The following TMEM135 variants were observed in gnomAD, a reference collection of about 807,000 sequenced individuals.
TMEM135 encodes the protein transmembrane protein 135.
A neutral mutation model predicts 60.3 loss-of-function variants in TMEM135; 30 were observed. The observed-to-expected ratio is 0.50, with a 90% CI of 0.37 to 0.68. The LOEUF (loss-of-function observed/expected upper bound fraction) is 0.68, where lower values mean the gene tolerates loss of function less well. Among genes scored for constraint, TMEM135 ranks in the 30% least tolerant of loss-of-function variants. The probability of loss-of-function intolerance (pLI) is 0.00; values close to 1 mark genes in which losing one functional copy is unlikely to be tolerated. For synonymous variants in TMEM135, 190 were observed against 186.7 expected, an observed-to-expected ratio of 1.02 and a Z score of -0.14; for missense variants, 468 against 548.8, an observed-to-expected ratio of 0.85 and a Z score of 1.47.
intron 5 of TMEM135, among the ~76,000 whole-genome samples, chr11:87,168,582 C>G (rs1314102079): frequency 2.0e-5 from 3 of 152,138 alleles, no homozygotes; most frequent in East Asian, 1.9e-4. Flanking sequence ...CATACAGGAG[C>G]AGGTTGTTCA....
Position 87,082,701 on chromosome 11 carries a change from G to A in TMEM135, c.363-8661G>A, listed in dbSNP as rs552504494. Among the ~76,000 whole-genome samples, 35 of 152,278 alleles carry A rather than the reference G, an allele frequency of 2.3e-4. 1 individual carries two copies. The highest frequency in any genetic ancestry group is 3.9e-4 in the Admixed American group (6 of 15,304). Reference sequence around the variant, plus strand: ...GTCTAAGATTGAACGTTTAGAAGCAGCAACATTTAAGGAGCCAGTTGTCAA... The same window carrying A: ...GTCTAAGATTGAACGTTTAGAAGCAACAACATTTAAGGAGCCAGTTGTCAA... On this transcript the variant is annotated intron_variant, in intron 3 of 14. Transcript: ENST00000305494.
Position 87,239,866 on chromosome 11 carries a change from A to G in TMEM135, c.509+3182A>G, listed in dbSNP as rs372319881. 2.0e-4 allele frequency among the ~76,000 whole-genome samples: 31 copies of G among 152,228 alleles called. No homozygotes were observed. The South Asian group carries it at 6.4e-3, about 32-fold the overall frequency. On this transcript the variant is annotated intron_variant, in intron 6 of 14. Coordinates refer to ENST00000305494, the MANE Select transcript of TMEM135 (RefSeq NM_022918.4). ...TACTTAAAAGCAACACGTTTTTGAT[A>G]TTGAAAACTATGTGAAAACTATAAT... is the stretch of plus-strand genomic sequence containing the variant.
chr11:87,046,009 G>T (rs1003551489), intron 1 of TMEM135, among the ~76,000 whole-genome samples: 5 of 152,180 alleles, frequency 3.3e-5, no homozygotes, highest in African/African-American at 9.7e-5. Flanking sequence ...TTTAGGAGGG[G>T]AGATTAGGCA....
chr11:87,117,312 C>G (rs146304188), intron 4 of TMEM135, among the ~76,000 whole-genome samples: 1 of 152,128 alleles, frequency 6.6e-6, no homozygotes, highest in African/African-American at 2.4e-5. Flanking sequence ...TATAAGACAA[C>G]AATGAAATTT....
chr11:87,165,697 A>C (rs1939018751), intron 5 of TMEM135, among the ~76,000 whole-genome samples: 2 of 151,538 alleles, frequency 1.3e-5, no homozygotes, highest in Non-Finnish European at 2.9e-5. Flanking sequence ...AAGCAAGAGC[A>C]AATACATTCA....
At chr11:87,146,152 C>G (rs868299635) in intron 4 of TMEM135, among the ~76,000 whole-genome samples, 166 of 152,268 alleles carry the variant, frequency 1.1e-3, no homozygotes, top group African/African-American at 3.7e-3. Context: ...ATGTGAAAAT[C>G]CAGTTTTGAC....
chr11:87,293,629 T>C (rs1040868798), intron 6 of TMEM135, among the ~76,000 whole-genome samples: 3 of 152,170 alleles, frequency 2.0e-5, no homozygotes, highest in African/African-American at 7.2e-5. Context: ...TCTGTTCCTG[T>C]GTTAGTTTGC....
intron 5 of TMEM135, among the ~76,000 whole-genome samples, chr11:87,211,805 G>C (rs113493901): frequency 6.6e-6 from 1 of 151,972 alleles, no homozygotes; most frequent in Non-Finnish European, 1.5e-5. Context: ...TTAGCTGGGC[G>C]TGGTGGCAGG....
chr11:87,094,406 A>T (rs1437393487), intron 4 of TMEM135, among the ~76,000 whole-genome samples: 2 of 152,186 alleles, frequency 1.3e-5, no homozygotes, highest in Non-Finnish European at 2.9e-5. Flanking sequence ...ATAATTTTTC[A>T]GTAATTTAGA....
chr11:87,223,046 T>C (rs1319340131), intron 5 of TMEM135, among the ~76,000 whole-genome samples: 2 of 152,204 alleles, frequency 1.3e-5, no homozygotes, highest in Non-Finnish European at 2.9e-5. Flanking sequence ...TGGTCAGTTG[T>C]TTCCTTGCTA....
intron 1 of TMEM135, among the ~76,000 whole-genome samples, chr11:87,043,023 T>C (rs1023602683): frequency 6.7e-6 from 1 of 149,662 alleles, no homozygotes; most frequent in Non-Finnish European, 1.5e-5. Flanking sequence ...TGGTGTGATC[T>C]CGGCTCACTA....
At chr11:87,238,214 C>T (rs916714014) in intron 6 of TMEM135, among the ~76,000 whole-genome samples, 1 of 151,764 alleles carries the variant, frequency 6.6e-6, no homozygotes, top group African/African-American at 2.4e-5. Context: ...TAATAGAGAT[C>T]ATAAATCTCT....
chr11:87,298,354 G>C (rs1304651134), intron 7 of TMEM135, among the ~76,000 whole-genome samples: 1 of 152,132 alleles, frequency 6.6e-6, no homozygotes, highest in Admixed American at 6.6e-5. Flanking sequence ...ATCTCATACA[G>C]ATCATAATTG....
intron 5 of TMEM135, among the ~76,000 whole-genome samples, chr11:87,212,586 C>T (rs1447019457): frequency 6.6e-6 from 1 of 151,818 alleles, no homozygotes; most frequent in African/African-American, 2.4e-5. Context: ...CTTTGGGAGG[C>T]CGAGGTGGGT....
At chr11:87,232,683 CAAT>C (rs1226775567) in intron 5 of TMEM135, among the ~76,000 whole-genome samples, 1 of 151,826 alleles carries the variant, frequency 6.6e-6, no homozygotes, top group African/African-American at 2.4e-5. Context: ...CTATGGATGA[CAAT>C]AATAGCACAA....
chr11:87,198,443 C>T (rs569383101), intron 5 of TMEM135, among the ~76,000 whole-genome samples: 1 of 152,192 alleles, frequency 6.6e-6, no homozygotes, highest in South Asian at 2.1e-4. Context: ...AATAAGGGTA[C>T]TTCCTGAGCT....
intron 12 of TMEM135, among the ~76,000 whole-genome samples, chr11:87,315,446 G>A (rs1349673917): frequency 6.6e-6 from 1 of 151,882 alleles, no homozygotes; most frequent in East Asian, 1.9e-4. Context: ...GCACAAAAAT[G>A]TCTGGTTCTC....
chr11:87,186,193 C>G (rs1270888223), intron 5 of TMEM135, among the ~76,000 whole-genome samples: 1 of 152,196 alleles, frequency 6.6e-6, no homozygotes, highest in Non-Finnish European at 1.5e-5. Context: ...GCATGAGCCA[C>G]CGTGCCCAGC....
intron 5 of TMEM135, among the ~76,000 whole-genome samples, chr11:87,179,809 A>C (rs1939468965): frequency 6.6e-6 from 1 of 152,198 alleles, no homozygotes; most frequent in Admixed American, 6.5e-5. Context: ...GTGCATTCCA[A>C]CTAAAAACCC....
Sources: gnomAD v4.1 joint callset for allele counts (sites outside exome capture counted in the v4.1 genomes callset) on GRCh38, gnomAD v4.1.1 for gene constraint, MANE v1.5 for transcripts, NCBI Gene and HGNC (gene_info 2026-07-23, HGNC 2026-07-21) for gene names.